FRMPD2: variants seen among roughly 807,000 people sequenced by gnomAD.
FRMPD2 encodes FERM and PDZ domain containing 2, also known as FERM and PDZ domain-containing protein 2.
Under a neutral mutation model 140.1 loss-of-function variants are expected in FRMPD2, and 96 were observed. The ratio of observed to expected loss-of-function variants is 0.69; its 90% CI spans 0.58 to 0.81. The LOEUF is 0.81. Among genes scored for constraint, FRMPD2 ranks in the 40% least tolerant of loss-of-function variants. The pLI, the probability that FRMPD2 is intolerant of heterozygous loss-of-function variation, is 0.00. For synonymous variants in FRMPD2, 449 were observed against 547.6 expected, an observed-to-expected ratio of 0.82 and a Z score of 2.52; for missense variants, 1,240 against 1,447.4, an observed-to-expected ratio of 0.86 and a Z score of 2.32.
chr10:48,187,336 G>A, intron 16 of FRMPD2, 44 bp from the exon 17 acceptor site: 1 of 1,556,296 alleles, frequency 6.4e-7, no homozygotes, highest in Non-Finnish European at 8.8e-7. Context: ...GGCCCACGGG[G>A]AAGGACAGTG....
In FRMPD2 at chr10:48,159,450, T is replaced by C. The variant is rs1429834; in HGVS notation, c.3882-2080A>G. On this transcript the variant is annotated intron_variant, in intron 28 of 28. Transcript: ENST00000374201. ...ACCCAGGATCCAGCCCAGGCTCTGC[T>C]GCCTCCCTCACTCCCCTCAGCCACA... is the stretch of plus-strand genomic sequence containing the variant. Among the ~76,000 whole-genome samples, 238 of 150,358 alleles carry C rather than the reference T, an allele frequency of 1.6e-3. 5 individuals carry two copies. Among genetic ancestry groups the C allele is most frequent in the Non-Finnish European group, 2.1e-3 (141 of 67,456 alleles).
intron 9 of FRMPD2, among the ~76,000 whole-genome samples, chr10:48,235,470 CAG>C (rs1839946381): frequency 6.6e-6 from 1 of 152,182 alleles, no homozygotes; most frequent in Non-Finnish European, 1.5e-5. Context: ...ATCCCCTTGA[CAG>C]GGGGGTGCAT....
intron 15 of FRMPD2, among the ~76,000 whole-genome samples, chr10:48,200,375 G>A (rs142143318): frequency 8.5e-4 from 129 of 152,132 alleles, no homozygotes; most frequent in African/African-American, 2.7e-3. Flanking sequence ...GAACTGCACC[G>A]CATCAACCAA....
intron 16 of FRMPD2, among the ~76,000 whole-genome samples, chr10:48,191,610 T>C (rs1838831753): frequency 6.6e-6 from 1 of 152,202 alleles, no homozygotes; most frequent in Non-Finnish European, 1.5e-5. Flanking sequence ...TAGATATAGA[T>C]ACACACATAG....
chr10:48,264,176 A>T (rs934255781), intron 1 of FRMPD2, among the ~76,000 whole-genome samples: 2 of 152,050 alleles, frequency 1.3e-5, no homozygotes, highest in Non-Finnish European at 2.9e-5. Context: ...AAAAAAATCT[A>T]CGGCCAACAC....
Position 48,222,354 on chromosome 10 carries a change from C to T in FRMPD2, c.1414G>A (p.Val472Ile). The T allele has an allele frequency of 1.2e-6, 2 of 1,614,150 alleles. No individual in the cohort carries two copies. The highest frequency in any genetic ancestry group is 1.1e-5 in the South Asian group (1 of 91,076). The change falls in exon 12 of 29, where the codon GTC (valine) becomes ATC (isoleucine). Residue 472 changes from valine (V) to isoleucine (I), a missense_variant. Physicochemically the swap from Val to Ile is conservative, Grantham distance 29 (BLOSUM62 3). Transcript: ENST00000374201. Reference sequence around the variant, plus strand: ...CCAAACTCAGCCTGCAAGGCAAGGACCCCCAGCTGCAGCAGTATCTCTTCA... The same window carrying T: ...CCAAACTCAGCCTGCAAGGCAAGGATCCCCAGCTGCAGCAGTATCTCTTCA... ...CNEEILLQLGVLALQAEFGNY... is the reference protein window; with the variant it reads ...CNEEILLQLGILALQAEFGNY...
chr10:48,188,285 C>A (rs1838740125), intron 16 of FRMPD2, among the ~76,000 whole-genome samples: 1 of 152,206 alleles, frequency 6.6e-6, no homozygotes, highest in African/African-American at 2.4e-5. Flanking sequence ...AGGGCTCTCT[C>A]TGCAGGGAGC....
chr10:48,248,955 T>C lies in FRMPD2; in HGVS notation c.309+66A>G, dbSNP rs1419645000. The C allele has an allele frequency of 3.5e-6, 5 of 1,428,136 alleles. No homozygotes were observed. In the East Asian group the frequency reaches 1.2e-4, roughly 34 times the overall value. 88.5% of individuals were successfully genotyped at this position (1,428,136 alleles called of 1,614,324 possible). Reference sequence around the variant, plus strand: ...AGGCTGAGCTGGGAGCTGGGGAGGCTGCCGCTGGGACAGGCCTTTCCCAGG... The same window carrying C: ...AGGCTGAGCTGGGAGCTGGGGAGGCCGCCGCTGGGACAGGCCTTTCCCAGG... On this transcript the variant is annotated intron_variant, in intron 3 of 28. Coordinates refer to ENST00000374201, the MANE Select transcript of FRMPD2 (RefSeq NM_001018071.4).
chr10:48,181,857 T>TAATATATATATATATATATATATATATA (rs1168209520), intron 20 of FRMPD2, among the ~76,000 whole-genome samples: 1 of 36,074 alleles, frequency 2.8e-5, no homozygotes, highest in Non-Finnish European at 5.5e-5. Flanking sequence ...ATATATTCCC[T>TAATATATATATATATATATATATATATA]CATATATATA....
intron 14 of FRMPD2, among the ~76,000 whole-genome samples, chr10:48,202,685 A>T (rs1302380314): frequency 6.6e-6 from 1 of 152,246 alleles, no homozygotes. Flanking sequence ...ACACTTTTTC[A>T]AAGTCGAATA....
intron 12 of FRMPD2, among the ~76,000 whole-genome samples, chr10:48,213,856 A>G (rs573053410): frequency 7.0e-4 from 106 of 152,376 alleles, no homozygotes; most frequent in African/African-American, 2.4e-3. Context: ...TTTTAGGGCC[A>G]TGAAATTACT....
chr10:48,163,203 C>A, intron 28 of FRMPD2, 125 bp downstream of exon 28: 1 of 539,416 alleles, frequency 1.9e-6, no homozygotes, highest in South Asian at 1.8e-5. Context: ...AACCTCTCTT[C>A]TAAATGCCTG....
chr10:48,198,737 G>T lies in FRMPD2; in HGVS notation c.1954+2491C>A, dbSNP rs185643783. Among the ~76,000 whole-genome samples the T allele has an allele frequency of 5.6e-4, 85 of 152,176 alleles. 1 individual carries two copies. In the East Asian group the frequency reaches 0.012, roughly 21 times the overall value. ...ATAGAATGTTTTTCCATTTATTTGTGTCATCTCTGATTTCTTTCAGTAGTG... is the reference window on the plus strand; with the variant it reads ...ATAGAATGTTTTTCCATTTATTTGTTTCATCTCTGATTTCTTTCAGTAGTG... On this transcript the variant is annotated intron_variant, in intron 15 of 28. Transcript: ENST00000374201.
At chr10:48,158,171 G>C (rs1410259673) in intron 28 of FRMPD2, among the ~76,000 whole-genome samples, 16 of 151,268 alleles carry the variant, frequency 1.1e-4, no homozygotes, top group Admixed American at 6.6e-5. Context: ...AAGAGGCAAG[G>C]CTTCATCTGA....
At chr10:48,251,412 A>C (rs1420073868) in intron 2 of FRMPD2, among the ~76,000 whole-genome samples, 154 bp downstream of exon 2, 1 of 152,188 alleles carries the variant, frequency 6.6e-6, no homozygotes, top group Admixed American at 6.5e-5. Context: ...TACTCATTCT[A>C]ATACCTCAGA....
intron 26 of FRMPD2, 90 bp downstream of exon 26, chr10:48,170,904 C>G (rs1485275846): frequency 1.1e-6 from 1 of 952,322 alleles, no homozygotes; most frequent in Non-Finnish European, 1.7e-6. Flanking sequence ...TTTTTGAGAG[C>G]CCAGAGTTTT....
intron 21 of FRMPD2, among the ~76,000 whole-genome samples, chr10:48,180,268 C>T (rs1248433484): frequency 6.6e-6 from 1 of 152,166 alleles, no homozygotes; most frequent in Admixed American, 6.5e-5. Flanking sequence ...ATGGGTCTGG[C>T]GGGGCCTGAG....
At chr10:48,162,204 C>T (rs1415862200) in intron 28 of FRMPD2, among the ~76,000 whole-genome samples, 2 of 134,388 alleles carry the variant, frequency 1.5e-5, no homozygotes, top group Non-Finnish European at 3.2e-5. Context: ...TATCAGACAA[C>T]GAAAGTGAAT....
chr10:48,219,946 A>G (rs919383075), intron 12 of FRMPD2, among the ~76,000 whole-genome samples: 4 of 152,226 alleles, frequency 2.6e-5, no homozygotes, highest in African/African-American at 7.2e-5. Flanking sequence ...TTTACAATGT[A>G]CTAGCCACAT....
Sources: allele counts gnomAD v4.1 joint callset (sites outside exome capture counted in the v4.1 genomes callset), GRCh38; gene constraint gnomAD v4.1.1; transcripts MANE v1.5; gene names NCBI Gene and HGNC (gene_info 2026-07-23, HGNC 2026-07-21).